INVS: variants seen among roughly 807,000 people sequenced by gnomAD.
The protein encoded by INVS is inversion of embryo turning homolog.
Under a neutral mutation model 108.8 loss-of-function variants are expected in INVS, and 86 were observed. The ratio of observed to expected loss-of-function variants is 0.79; its 90% CI spans 0.66 to 0.95. INVS has a LOEUF of 0.95. Ranked by LOEUF, INVS falls within the 40% of genes least tolerant of loss-of-function variation. INVS has a pLI of 0.00. For missense variants in INVS, 1,169 were observed against 1,297.4 expected (o/e 0.90, Z 1.52); for synonymous variants, 455 against 473.5 (o/e 0.96, Z 0.51).
At chr9:100,256,517 A>G (rs1372192205) in intron 10 of INVS, among the ~76,000 whole-genome samples, 1 of 152,096 alleles carries the variant, frequency 6.6e-6, no homozygotes, top group African/African-American at 2.4e-5. Context: ...TAGGGTGTCA[A>G]TTTTAGATCT....
intron 12 of INVS, among the ~76,000 whole-genome samples, chr9:100,280,253 T>G (rs1487085547): frequency 6.6e-6 from 1 of 152,160 alleles, no homozygotes; most frequent in Non-Finnish European, 1.5e-5. Context: ...AATCTTTTCT[T>G]CCCTGGGTAG....
intron 2 of INVS, among the ~76,000 whole-genome samples, chr9:100,118,258 G>T (rs921615792): frequency 6.6e-6 from 1 of 151,402 alleles, no homozygotes; most frequent in Non-Finnish European, 1.5e-5. Flanking sequence ...GCCCAGGCTG[G>T]AGTGCAATGG....
At chr9:100,101,010 T>TTA (rs1554712619) in intron 1 of INVS, among the ~76,000 whole-genome samples, 3 of 95,070 alleles carry the variant, frequency 3.2e-5, no homozygotes, top group South Asian at 5.1e-4. Context: ...AATATATATA[T>TTA]TATATGTATA....
chr9:100,300,516 T>C, intron 16 of INVS, 52 bp from the exon 17 acceptor site: 1 of 1,250,776 alleles, frequency 8.0e-7, no homozygotes, highest in Non-Finnish European at 1.2e-6. Context: ...ACTATTCCCT[T>C]CAGCCTTAAA....
chr9:100,199,232 A>G (rs757693422), intron 3 of INVS, among the ~76,000 whole-genome samples: 1 of 152,062 alleles, frequency 6.6e-6, no homozygotes, highest in Non-Finnish European at 1.5e-5. Flanking sequence ...ATGTTTTTCT[A>G]TTATTACTTT....
chr9:100,152,269 G>A (rs1215923554), intron 3 of INVS, among the ~76,000 whole-genome samples: 7 of 152,066 alleles, frequency 4.6e-5, no homozygotes, highest in Non-Finnish European at 1.0e-4. Context: ...CTCAATCAAT[G>A]CTTGCTGAAT....
intron 3 of INVS, among the ~76,000 whole-genome samples, chr9:100,173,116 C>T (rs570908689): frequency 6.6e-6 from 1 of 152,122 alleles, no homozygotes; most frequent in African/African-American, 2.4e-5. Flanking sequence ...ATCTAGAAAG[C>T]CTTTTAAAGT....
At chr9:100,147,423 A>G (rs1828653913) in intron 3 of INVS, among the ~76,000 whole-genome samples, 1 of 152,232 alleles carries the variant, frequency 6.6e-6, no homozygotes, top group African/African-American at 2.4e-5. Context: ...AATATGTTCA[A>G]ATATACGTAT....
rs193019096 is a variant in INVS, at chr9:100,139,720, G to A, written c.273+13171G>A. The stretch of plus-strand genomic sequence containing the variant: ...TGCAGTGGTGTGATCAGGGCTCACT[G>A]CAGCTTCAACCTCCTGGATTCAAGT... On this transcript the variant is annotated intron_variant, in intron 3 of 16. Coordinates refer to ENST00000262457, the MANE Select transcript of INVS (RefSeq NM_014425.5). Among the ~76,000 whole-genome samples, 5 of 152,280 alleles carry A rather than the reference G, an allele frequency of 3.3e-5. No homozygotes were observed. The East Asian group carries it at 9.6e-4, about 29-fold the overall frequency.
chr9:100,251,001 G>A (rs549078897), intron 8 of INVS, among the ~76,000 whole-genome samples: 3 of 152,016 alleles, frequency 2.0e-5, no homozygotes, highest in Admixed American at 6.6e-5. Context: ...CTCAAAATAC[G>A]CTGTCTTTTT....
At chr9:100,210,763 A>G (rs1049974131) in intron 3 of INVS, among the ~76,000 whole-genome samples, 1 of 152,184 alleles carries the variant, frequency 6.6e-6, no homozygotes, top group Non-Finnish European at 1.5e-5. Context: ...AAAAATAACC[A>G]TTGAATGTTG....
intron 8 of INVS, among the ~76,000 whole-genome samples, chr9:100,251,150 ATTGTT>A (rs1267842649): frequency 3.9e-5 from 6 of 152,150 alleles, no homozygotes; most frequent in Non-Finnish European, 7.4e-5. Flanking sequence ...TTGATGGGGA[ATTGTT>A]TTGTTTTTGT....
chr9:100,226,623 GCCAACATAGTGAAACCTCATCT>G (rs1380722605), intron 4 of INVS, among the ~76,000 whole-genome samples: 4 of 151,960 alleles, frequency 2.6e-5, no homozygotes, highest in Non-Finnish European at 5.9e-5. Context: ...GACTGGCCTG[GCCAACATAGTGAAACCTCATCT>G]CTACTAAAAC....
intron 11 of INVS, among the ~76,000 whole-genome samples, chr9:100,271,557 T>C (rs528204931): frequency 9.8e-5 from 15 of 152,374 alleles, no homozygotes; most frequent in African/African-American, 3.4e-4. Flanking sequence ...ATAATTTTGA[T>C]AAATATTGCC....
chr9:100,197,494 T>C (rs948215415), intron 3 of INVS, among the ~76,000 whole-genome samples: 1 of 152,216 alleles, frequency 6.6e-6, no homozygotes, highest in African/African-American at 2.4e-5. Flanking sequence ...GGAGCTTCTG[T>C]CTCTGTGGAG....
At chr9:100,188,633 T>C (rs1830124579) in intron 3 of INVS, among the ~76,000 whole-genome samples, 1 of 143,934 alleles carries the variant, frequency 6.9e-6, no homozygotes, top group Admixed American at 6.7e-5. Context: ...TGTAGTTTCT[T>C]TCTTTTTTTT....
intron 2 of INVS, among the ~76,000 whole-genome samples, chr9:100,118,970 C>T (rs140828848): frequency 6.6e-6 from 1 of 152,324 alleles, no homozygotes; most frequent in East Asian, 1.9e-4. Flanking sequence ...CTTTCCAGCA[C>T]CATTTATTTA....
chr9:100,151,130 A>G (rs985175549), intron 3 of INVS, among the ~76,000 whole-genome samples: 2 of 152,164 alleles, frequency 1.3e-5, no homozygotes, highest in African/African-American at 4.8e-5. Context: ...GGCAGAAGAA[A>G]CAGTCAGAAC....
chr9:100,252,246 T>C, intron 8 of INVS, 37 bp from the exon 9 acceptor site: 1 of 1,607,712 alleles, frequency 6.2e-7, no homozygotes, highest in Non-Finnish European at 8.5e-7. Context: ...GAAGTTGTTA[T>C]TGACTAGTTC....
Sources: gnomAD v4.1 joint callset for allele counts (sites outside exome capture counted in the v4.1 genomes callset) on GRCh38, gnomAD v4.1.1 for gene constraint, MANE v1.5 for transcripts, NCBI Gene and HGNC (gene_info 2026-07-23, HGNC 2026-07-21) for gene names.